The following PHF20 variants were observed in gnomAD, a reference collection of about 807,000 sequenced individuals.
PHF20 encodes glioma-expressed antigen 2.
PHF20 carries 23 observed loss-of-function variants against 113.5 expected under a neutral mutation model. The observed-to-expected ratio is 0.20, with a 90% CI of 0.15 to 0.29. PHF20 has a LOEUF of 0.29. Ranked by LOEUF, PHF20 falls within the 10% of genes least tolerant of loss-of-function variation. PHF20 has a pLI of 1.00. For synonymous variants in PHF20, 434 were observed against 457.3 expected (o/e 0.95, Z 0.65); for missense variants, 943 against 1,219.6 (o/e 0.77, Z 3.38).
intron 9 of PHF20, chr20:35,878,408 C>T (rs940168068): frequency 4.1e-5 from 18 of 443,832 alleles, no homozygotes; most frequent in South Asian, 2.5e-4. Flanking sequence ...TTCAGGTTGG[C>T]GTGTGCGAGA....
At chr20:35,865,189 T>C (rs1490508686) in intron 6 of PHF20, among the ~76,000 whole-genome samples, 2 of 151,754 alleles carry the variant, frequency 1.3e-5, no homozygotes, top group Non-Finnish European at 2.9e-5. Flanking sequence ...CAAAAAAAAA[T>C]TGATTCCATG....
intron 1 of PHF20, among the ~76,000 whole-genome samples, chr20:35,783,758 G>A (rs80286386): frequency 2.6e-5 from 4 of 151,684 alleles, no homozygotes; most frequent in Non-Finnish European, 5.9e-5. Context: ...GAGGTGGGCG[G>A]ATCACCTGAG....
intron 2 of PHF20, among the ~76,000 whole-genome samples, chr20:35,824,522 G>T (rs755785275): frequency 2.6e-5 from 4 of 151,562 alleles, no homozygotes; most frequent in Admixed American, 6.6e-5. Flanking sequence ...CAGTAGAATC[G>T]CTTGAACCCG....
chr20:35,780,273 T>G, intron 1 of PHF20, among the ~76,000 whole-genome samples: 1 of 148,088 alleles, frequency 6.8e-6, no homozygotes, highest in South Asian at 2.2e-4. Flanking sequence ...TTGCCCAGGC[T>G]GGAGTGCAGT....
chr20:35,806,791 CTTTTTTTTTT>C (rs751352334), intron 2 of PHF20, among the ~76,000 whole-genome samples: 1 of 113,012 alleles, frequency 8.8e-6, no homozygotes, highest in African/African-American at 3.5e-5. Flanking sequence ...GACCTTTACT[CTTTTTTTTTT>C]TTTTTTTTTT....
At chr20:35,944,694 T>C (rs909243917) in intron 17 of PHF20, among the ~76,000 whole-genome samples, 1 of 152,180 alleles carries the variant, frequency 6.6e-6, no homozygotes, top group African/African-American at 2.4e-5. Context: ...TTCCTCAGCC[T>C]CCCAAGTAGC....
intron 2 of PHF20, among the ~76,000 whole-genome samples, chr20:35,814,889 AAT>A (rs1245580710): frequency 9.1e-5 from 13 of 142,202 alleles, no homozygotes; most frequent in Non-Finnish European, 1.5e-4. Context: ...AAAAAAAAAA[AAT>A]AAAATAAATA....
chr20:35,865,351 A>G (rs1346413985), intron 6 of PHF20, among the ~76,000 whole-genome samples: 1 of 152,092 alleles, frequency 6.6e-6, no homozygotes, highest in African/African-American at 2.4e-5. Context: ...AAATGAAAAA[A>G]TTGGCTGAGA....
At chr20:35,844,543 C>CCACACACACA (rs61622083) in intron 3 of PHF20, among the ~76,000 whole-genome samples, 97 of 117,722 alleles carry the variant, frequency 8.2e-4, no homozygotes, top group Non-Finnish European at 1.0e-3. Context: ...TTCACCATCA[C>CCACACACACA]CACACACACA....
intron 2 of PHF20, among the ~76,000 whole-genome samples, chr20:35,803,188 G>A (rs954749059): frequency 1.3e-5 from 2 of 150,810 alleles, no homozygotes; most frequent in Admixed American, 1.3e-4. Flanking sequence ...GGAGGTGGAG[G>A]CTGCATTGAG....
intron 6 of PHF20, among the ~76,000 whole-genome samples, chr20:35,866,831 A>T (rs867307741): frequency 6.6e-6 from 1 of 152,218 alleles, no homozygotes. Context: ...TTCAGTTTTT[A>T]TATTTTTATA....
rs367627540 is a variant in PHF20 at position 35,817,344 on chromosome 20, G to A, written c.83+15739G>A. Among the ~76,000 whole-genome samples the A allele has an allele frequency of 5.7e-4, 86 of 151,962 alleles. 3 individuals are homozygous for A. Among genetic ancestry groups the A allele is most frequent in the East Asian group, 4.7e-3 (24 of 5,130 alleles). On this transcript the variant is annotated intron_variant, in intron 2 of 17. Transcript: ENST00000374012. ...AGGGATTACGGGCCCCTGCCACGGC[G>A]CCCAGCTAATTTTTGTATTTTTAGT...
rs757876270 is a variant in PHF20 at position 35,917,479 on chromosome 20, C to T, written c.1826-5C>T. ...TAGTAACTGTTGTTTTCCCTTTCCT[C>T]GTAGAGGAGGATAATTTGAGTGAGT... On this transcript the variant is annotated splice_polypyrimidine_tract_variant and splice_region_variant and intron_variant, in intron 12 of 17. Coordinates refer to ENST00000374012, the MANE Select transcript of PHF20 (RefSeq NM_016436.5). 13 of 1,611,198 alleles carry T rather than the reference C, an allele frequency of 8.1e-6. No homozygotes were observed. Among genetic ancestry groups the T allele is most frequent in the African/African-American group, 1.3e-5 (1 of 74,928 alleles).
chr20:35,895,486 A>T (rs913884841), intron 9 of PHF20, among the ~76,000 whole-genome samples: 2 of 152,122 alleles, frequency 1.3e-5, no homozygotes, highest in Admixed American at 6.6e-5. Flanking sequence ...AGCCTACAAA[A>T]TGGCAAGTTT....
chr20:35,934,162 A>G (rs1356180313), intron 15 of PHF20, among the ~76,000 whole-genome samples: 1 of 152,194 alleles, frequency 6.6e-6, no homozygotes. Context: ...GCCTGGTGTC[A>G]GGCAGAGTGG....
intron 12 of PHF20, 82 bp downstream of exon 12, chr20:35,914,279 G>A: frequency 7.3e-7 from 1 of 1,365,914 alleles, no homozygotes; most frequent in South Asian, 1.3e-5. Context: ...TATGGGTTTG[G>A]TTCTAGGCCA....
intron 12 of PHF20, among the ~76,000 whole-genome samples, chr20:35,914,600 A>G (rs2055366481): frequency 6.6e-6 from 1 of 152,232 alleles, no homozygotes; most frequent in South Asian, 2.1e-4. Flanking sequence ...AAATATTTGT[A>G]AACTATTCAT....
At chr20:35,845,505 A>G in intron 3 of PHF20, 1 of 207,294 alleles carries the variant, frequency 4.8e-6, no homozygotes, top group Non-Finnish European at 1.0e-5. Flanking sequence ...ACCTGGGACT[A>G]TAGGCATGTA....
At chr20:35,878,892 T>G (rs2054577840) in intron 9 of PHF20, among the ~76,000 whole-genome samples, 1 of 152,252 alleles carries the variant, frequency 6.6e-6, no homozygotes. Flanking sequence ...AGGCTTGATT[T>G]GCCTGTTGAC....
Sources: gnomAD v4.1 joint callset for allele counts (sites outside exome capture counted in the v4.1 genomes callset) on GRCh38, gnomAD v4.1.1 for gene constraint, MANE v1.5 for transcripts, NCBI Gene and HGNC (gene_info 2026-07-23, HGNC 2026-07-21) for gene names.